Variants in SMG7 observed in about 807,000 individuals in gnomAD.
The protein encoded by SMG7 is nonsense-mediated mRNA decay factor SMG7.
SMG7 carries 34 observed loss-of-function variants against 148.2 expected under a neutral mutation model. That is an observed-to-expected ratio of 0.23 (90% CI 0.17 to 0.31). The LOEUF (loss-of-function observed/expected upper bound fraction) is 0.31, where lower values mean the gene tolerates loss of function less well. Among genes scored for constraint, SMG7 ranks in the 10% least tolerant of loss-of-function variants. The pLI is 1.00. For synonymous variants in SMG7, 492 were observed against 515.1 expected (o/e 0.96, Z 0.61); for missense variants, 1,114 against 1,408.4 (o/e 0.79, Z 3.35).
intron 1 of SMG7, among the ~76,000 whole-genome samples, chr1:183,506,263 A>G (rs1201770099): frequency 6.6e-6 from 1 of 152,190 alleles, no homozygotes; most frequent in African/African-American, 2.4e-5. Context: ...AGAGTATTGT[A>G]GTGTTGGGAG....
In SMG7 at chr1:183,545,288, G is replaced by A. The variant is rs567875121; in HGVS notation, c.2346G>A (p.Pro782=). The part of the protein sequence containing the change: ...TKAVPALGKS[P]PHHSGFQQYQ... ...CTGTGCCGGCTTTGGGGAAAAGCCC[G>A]CCTCACCACTCTGGATTCCAGCAGG... The change falls in exon 16 of 23, where the codon CCG becomes CCA. Residue 782 remains proline, a synonymous_variant. Transcript: ENST00000688051. 4 of 1,610,992 alleles carry A rather than the reference G, an allele frequency of 2.5e-6. No individual in the cohort carries two copies. The highest frequency in any genetic ancestry group is 2.2e-5 in the East Asian group (1 of 44,886).
At chr1:183,549,739 A>T in intron 19 of SMG7, 25 bp from the exon 20 acceptor site, 1 of 1,604,704 alleles carries the variant, frequency 6.2e-7, no homozygotes, top group Non-Finnish European at 8.5e-7. Flanking sequence ...GGGTGAGTTT[A>T]TAACTTCACT....
chr1:183,498,297 G>A (rs550794570), intron 1 of SMG7, among the ~76,000 whole-genome samples: 1 of 152,100 alleles, frequency 6.6e-6, no homozygotes, highest in Non-Finnish European at 1.5e-5. Flanking sequence ...TTGGGAGGCC[G>A]AGGCGGGAAG....
In SMG7 at chr1:183,551,163, C is replaced by G. The variant is rs778051879; in HGVS notation, c.3423C>G (p.Ser1141=). The change falls in exon 22 of 23, where the codon TCC becomes TCG. Residue 1141 remains serine, a synonymous_variant. Coordinates refer to ENST00000688051, the MANE Select transcript of SMG7 (RefSeq NM_001375584.1). ...WTGHGPSMED[S]SAVLMESLKS... ...GCCATGGCCCTTCCATGGAGGATTC[C>G]TCTGCTGTCCTCATGGAAAGCCTAA... is the stretch of plus-strand genomic sequence containing the variant. 5.1e-6 allele frequency: 8 copies of G among 1,580,754 alleles called. No homozygotes were observed. In the South Asian group the frequency reaches 9.4e-5, roughly 19 times the overall value.
chr1:183,550,781 A>G lies in SMG7; in HGVS notation c.3164A>G (p.His1055Arg). Residue 1055 changes from histidine to arginine, a missense_variant, in exon 21 of 23, where the codon CAT becomes CGT. By Grantham distance (29) the His-to-Arg change is conservative (BLOSUM62 0). Transcript: ENST00000688051. ...DHSTPASQSP[H>R]SSNPSSLPSS... ...TCAACACCAGCCAGCCAGTCTCCTCATTCCTCTAACCCAAGCAGCCTACCC... is the reference window on the plus strand; with the variant it reads ...TCAACACCAGCCAGCCAGTCTCCTCGTTCCTCTAACCCAAGCAGCCTACCC... The G allele has an allele frequency of 6.2e-7, 1 of 1,614,076 alleles. No homozygotes were observed. Among genetic ancestry groups the G allele is most frequent in the Admixed American group, 1.7e-5 (1 of 60,016 alleles).
Position 183,519,855 on chromosome 1 carries a change from G to A in SMG7, c.312+2035G>A, listed in dbSNP as rs541145361. Among the ~76,000 whole-genome samples the A allele has an allele frequency of 5.3e-5, 8 of 152,156 alleles. No homozygotes were observed. In the South Asian group the frequency reaches 1.7e-3, roughly 32 times the overall value. On this transcript the variant is annotated intron_variant, in intron 4 of 22. Transcript: ENST00000688051. ...CTCTAATACTGTATTATTTCCTGAG[G>A]ACCAGTTGTTCAAATTGAAATCATT...
intron 2 of SMG7, 123 bp from the exon 3 acceptor site, chr1:183,515,751 G>T: frequency 2.0e-6 from 1 of 498,240 alleles, no homozygotes; most frequent in East Asian, 3.0e-5. Flanking sequence ...AGCATTCTAT[G>T]GAATATATTT....
intron 1 of SMG7, among the ~76,000 whole-genome samples, chr1:183,512,003 G>T (rs1662261176): frequency 6.6e-6 from 1 of 152,158 alleles, no homozygotes; most frequent in Non-Finnish European, 1.5e-5. Flanking sequence ...ATGGGAATGG[G>T]TCCTGAGTTC....
chr1:183,540,823 C>T (rs1451717948), intron 12 of SMG7, among the ~76,000 whole-genome samples, 161 bp from the exon 13 acceptor site: 2 of 152,156 alleles, frequency 1.3e-5, no homozygotes, highest in Non-Finnish European at 2.9e-5. Context: ...TTGTAAAAAT[C>T]TCTGGTAGTA....
chr1:183,501,162 A>G (rs1659628470), intron 1 of SMG7: 1 of 152,218 alleles, frequency 6.6e-6, no homozygotes, highest in Non-Finnish European at 1.5e-5. Flanking sequence ...CTATAAAATG[A>G]TAATGACAAT....
intron 1 of SMG7, among the ~76,000 whole-genome samples, chr1:183,476,765 T>C (rs1171076255): frequency 1.3e-5 from 2 of 152,164 alleles, no homozygotes; most frequent in East Asian, 3.8e-4. Flanking sequence ...TTTATAAAAA[T>C]AAAAATATGA....
chr1:183,524,985 C>T (rs1558021812), intron 4 of SMG7, among the ~76,000 whole-genome samples: 1 of 152,038 alleles, frequency 6.6e-6, no homozygotes, highest in Non-Finnish European at 1.5e-5. Flanking sequence ...AACATATTTT[C>T]TTACTTGTCT....
chr1:183,483,963 A>G (rs1654797302), intron 1 of SMG7, among the ~76,000 whole-genome samples: 1 of 152,180 alleles, frequency 6.6e-6, no homozygotes, highest in African/African-American at 2.4e-5. Context: ...GAATGAGCCA[A>G]GGAGTTTGAA....
At chr1:183,550,215 G>T in intron 20 of SMG7, 1 of 291,556 alleles carries the variant, frequency 3.4e-6, no homozygotes, top group Non-Finnish European at 6.4e-6. Context: ...TTTATTTGTA[G>T]GTGTTCATTC....
At chr1:183,497,250 C>G (rs1658706983) in intron 1 of SMG7, among the ~76,000 whole-genome samples, 2 of 152,240 alleles carry the variant, frequency 1.3e-5, no homozygotes, top group Non-Finnish European at 2.9e-5. Flanking sequence ...GCTCAAATGT[C>G]TGGGCCCTCA....
chr1:183,533,317 G>T lies in SMG7; in HGVS notation c.997G>T (p.Ala333Ser), dbSNP rs1383820395. ...GCAGCTATGTTGGACACAGTTGCTG[G>T]CCCTCTTTAGTGAGTATTGAATTAC... ...DEQLCWTQLLALFMSFLGILC... is the reference protein window; with the variant it reads ...DEQLCWTQLLSLFMSFLGILC... Residue 333 changes from alanine to serine, a missense_variant, in exon 9 of 23, where the codon GCC becomes TCC. Physicochemically the swap from Ala to Ser is moderately conservative, Grantham distance 99 (BLOSUM62 1). Coordinates refer to ENST00000688051, the MANE Select transcript of SMG7 (RefSeq NM_001375584.1). 1 of 1,612,790 alleles carries T rather than the reference G, an allele frequency of 6.2e-7. No homozygotes were observed. The highest frequency in any genetic ancestry group is 1.7e-5 in the Admixed American group (1 of 59,782).
intron 1 of SMG7, among the ~76,000 whole-genome samples, chr1:183,483,632 G>T (rs1312206342): frequency 6.6e-6 from 1 of 152,074 alleles, no homozygotes; most frequent in Non-Finnish European, 1.5e-5. Flanking sequence ...AATATATTAT[G>T]AGGTGAAATT....
rs765334445 is a variant in SMG7, at chr1:183,526,787, G to A, written c.484+20G>A. ...ACATTGGTGAGCCTTTGCTGTGAAG[G>A]AATTGATAATATGTTCCTCCTTTTC... On this transcript the variant is annotated intron_variant, in intron 5 of 22. Transcript: ENST00000688051. 6.3e-7 allele frequency: 1 copy of A among 1,586,806 alleles called. No homozygotes were observed. Among genetic ancestry groups the A allele is most frequent in the South Asian group, 1.2e-5 (1 of 86,444 alleles).
chr1:183,552,314 CTT>C lies in SMG7; in HGVS notation c.*385_*386del, dbSNP rs1243089789. On this transcript the variant is annotated 3_prime_UTR_variant, in exon 23 of 23. Transcript: ENST00000688051. The stretch of plus-strand genomic sequence containing the variant: ...GGGAACTTCTCAGTCCTTTTTTCCT[CTT>C]TGGGGAATAAAATAGGAATCCATTA... 1.0e-6 allele frequency: 1 copy of C among 1,001,884 alleles called. No individual in the cohort carries two copies. The highest frequency in any genetic ancestry group is 1.2e-6 in the Non-Finnish European group (1 of 840,954). 62.1% of individuals were successfully genotyped at this position (1,001,884 alleles called of 1,614,324 possible).
Sources: gnomAD v4.1 joint callset for allele counts (sites outside exome capture counted in the v4.1 genomes callset) on GRCh38, gnomAD v4.1.1 for gene constraint, MANE v1.5 for transcripts, NCBI Gene and HGNC (gene_info 2026-07-23, HGNC 2026-07-21) for gene names.